Variants in SGCD observed in about 807,000 individuals in gnomAD.
The protein encoded by SGCD is sarcoglycan delta.
Under a neutral mutation model 36.6 loss-of-function variants are expected in SGCD, and 18 were observed. That is an observed-to-expected ratio of 0.49 (90% CI 0.34 to 0.73). The LOEUF (loss-of-function observed/expected upper bound fraction) is 0.73. Among genes scored for constraint, SGCD ranks in the 30% least tolerant of loss-of-function variants. The pLI is 0.01. For missense variants in SGCD, 387 were observed against 346.7 expected (o/e 1.12, Z -0.92); for synonymous variants, 133 against 130.6 (o/e 1.02, Z -0.12).
intron 4 of SGCD, among the ~76,000 whole-genome samples, chr5:156,556,376 C>T (rs1368244379): frequency 6.6e-6 from 1 of 152,104 alleles, no homozygotes; most frequent in African/African-American, 2.4e-5. Context: ...CTCCTGCTGT[C>T]CCAATGTCCA....
At chr5:155,728,206 C>T in the SGCD span, among the ~76,000 whole-genome samples, 1 of 152,282 alleles carries the variant, frequency 6.6e-6, no homozygotes, top group East Asian at 1.9e-4. Context: ...TCGCTCCCTC[C>T]CTCCAGCCCC....
At chr5:155,776,587 T>C in the SGCD span, among the ~76,000 whole-genome samples, 1 of 152,042 alleles carries the variant, frequency 6.6e-6, no homozygotes, top group African/African-American at 2.4e-5. Flanking sequence ...ACTAGCTGAG[T>C]ACTACCAAAG....
At chr5:156,054,416 C>G (rs1223903637) in intron 1 of SGCD, among the ~76,000 whole-genome samples, 1 of 143,606 alleles carries the variant, frequency 7.0e-6, no homozygotes, top group Non-Finnish European at 1.6e-5. Flanking sequence ...CTCCCAACTA[C>G]CTGGGACTAC....
the SGCD span, among the ~76,000 whole-genome samples, chr5:155,859,631 T>C: frequency 1.3e-5 from 2 of 152,236 alleles, no homozygotes; most frequent in East Asian, 3.9e-4. Context: ...TTTTGTTTTT[T>C]CACTTAGCAC....
the SGCD span, among the ~76,000 whole-genome samples, chr5:155,729,243 A>C: frequency 6.6e-6 from 1 of 152,290 alleles, no homozygotes; most frequent in East Asian, 1.9e-4. Context: ...TTCCTCACCA[A>C]CGTGCCATTT....
At chr5:156,095,659 G>A (rs570684031) in intron 1 of SGCD, among the ~76,000 whole-genome samples, 1 of 152,254 alleles carries the variant, frequency 6.6e-6, no homozygotes, top group Non-Finnish European at 1.5e-5. Flanking sequence ...ATTTCAGTGA[G>A]CAAGATAAGA....
At chr5:156,413,307 A>G (rs536068454) in intron 3 of SGCD, among the ~76,000 whole-genome samples, 20 of 152,222 alleles carry the variant, frequency 1.3e-4, no homozygotes, top group Non-Finnish European at 2.6e-4. Flanking sequence ...GCTGAGATGC[A>G]CGAGATGAGA....
At chr5:156,257,083 G>A (rs1765733469) in intron 3 of SGCD, among the ~76,000 whole-genome samples, 1 of 152,058 alleles carries the variant, frequency 6.6e-6, no homozygotes. Context: ...AGGAGGCTGA[G>A]GTGGGAGGAT....
chr5:156,432,193 T>C (rs191160231), intron 3 of SGCD, among the ~76,000 whole-genome samples: 149 of 152,330 alleles, frequency 9.8e-4, no homozygotes, highest in African/African-American at 3.5e-3. Context: ...ATAGACTCTG[T>C]GAGATTCCTC....
intron 6 of SGCD, among the ~76,000 whole-genome samples, chr5:156,603,638 A>G (rs943108846): frequency 1.3e-5 from 2 of 152,054 alleles, no homozygotes; most frequent in Admixed American, 6.5e-5. Context: ...TCTCAAAAAT[A>G]TTTAAATTTC....
intron 1 of SGCD, among the ~76,000 whole-genome samples, chr5:155,936,984 T>G (rs1757219371): frequency 6.6e-6 from 1 of 151,930 alleles, no homozygotes; most frequent in Non-Finnish European, 1.5e-5. Flanking sequence ...GCCCTCACTC[T>G]GAGATTAGAG....
At chr5:156,476,426 A>G (rs770216243) in intron 3 of SGCD, among the ~76,000 whole-genome samples, 9 of 152,080 alleles carry the variant, frequency 5.9e-5, no homozygotes, top group Non-Finnish European at 1.3e-4. Flanking sequence ...TAAAAGAAAT[A>G]AAAGATTCCA....
intron 3 of SGCD, among the ~76,000 whole-genome samples, chr5:156,232,158 A>G (rs1252536261): frequency 6.6e-6 from 1 of 152,170 alleles, no homozygotes; most frequent in Non-Finnish European, 1.5e-5. Context: ...ATACCCAGAC[A>G]TTTTCTTTAA....
chr5:156,552,512 T>C (rs926391975), intron 4 of SGCD, among the ~76,000 whole-genome samples: 1 of 152,226 alleles, frequency 6.6e-6, no homozygotes, highest in African/African-American at 2.4e-5. Flanking sequence ...ATTACTCATT[T>C]ATCTTTTATT....
In SGCD at chr5:155,892,953, G is replaced by T. The variant is rs192096432; in HGVS notation, c.-282+22529G>T. 2.1e-3 allele frequency among the ~76,000 whole-genome samples: 321 copies of T among 152,332 alleles called. 1 individual carries two copies. Among genetic ancestry groups the T allele is most frequent in the African/African-American group, 7.0e-3 (292 of 41,574 alleles). On this transcript the variant is annotated intron_variant, in intron 1 of 9. Coordinates refer to the SGCD transcript ENST00000517913. Reference sequence around the variant, plus strand: ...CAGAGTAGTGGTTACCAGCAGCCAAGAATAATGGCGGTGGTTTGGGAGGAA... The same window carrying T: ...CAGAGTAGTGGTTACCAGCAGCCAATAATAATGGCGGTGGTTTGGGAGGAA...
At chr5:156,101,341 T>A (rs1365172854) in intron 1 of SGCD, among the ~76,000 whole-genome samples, 2 of 152,202 alleles carry the variant, frequency 1.3e-5, no homozygotes, top group Non-Finnish European at 2.9e-5. Context: ...GATTGAAACC[T>A]ATTTGGGTAC....
At chr5:155,750,265 A>G in the SGCD span, among the ~76,000 whole-genome samples, 1 of 152,182 alleles carries the variant, frequency 6.6e-6, no homozygotes. Context: ...TAGAAAAGAT[A>G]TTTTTACACC....
chr5:155,873,217 G>A (rs1022520080), intron 1 of SGCD, among the ~76,000 whole-genome samples: 3 of 152,050 alleles, frequency 2.0e-5, no homozygotes, highest in Non-Finnish European at 4.4e-5. Flanking sequence ...CATGACTTTA[G>A]TTAGCCACAA....
intron 3 of SGCD, among the ~76,000 whole-genome samples, chr5:156,457,618 T>C (rs1037658100): frequency 6.6e-6 from 1 of 152,174 alleles, no homozygotes; most frequent in African/African-American, 2.4e-5. Flanking sequence ...ATTTCTGCCT[T>C]TGCTTCAAGA....
Sources: gnomAD v4.1 joint callset for allele counts (sites outside exome capture counted in the v4.1 genomes callset) on GRCh38, gnomAD v4.1.1 for gene constraint, MANE v1.5 for transcripts, NCBI Gene and HGNC (gene_info 2026-07-23, HGNC 2026-07-21) for gene names.